LHFPL3: variants seen among roughly 807,000 people sequenced by gnomAD.
LHFPL3 encodes the protein LHFPL tetraspan subfamily member 3, also known as LHFPL tetraspan subfamily member 3 protein.
Under a neutral mutation model 19.3 loss-of-function variants are expected in LHFPL3, and 5 were observed. That is an observed-to-expected ratio of 0.26 (90% CI 0.14 to 0.54). LHFPL3 has a LOEUF of 0.54. Ranked by LOEUF, LHFPL3 falls within the 20% of genes least tolerant of loss-of-function variation. LHFPL3 has a pLI of 0.94. For missense variants in LHFPL3, 249 were observed against 307.4 expected (o/e 0.81, Z 1.42); for synonymous variants, 133 against 126.2 (o/e 1.05, Z -0.36).
rs192439147 is a variant in LHFPL3, at chr7:104,608,048, G to A, written c.446-128627G>A. On this transcript the variant is annotated intron_variant, in intron 1 of 2. Coordinates refer to ENST00000424859, the MANE Select transcript of LHFPL3 (RefSeq NM_199000.3). ...TAGGAACACTTTTACACTGTTGGTG[G>A]GACTGTAAACTAGTTCAACCATTGT... is the stretch of plus-strand genomic sequence containing the variant. Among the ~76,000 whole-genome samples, 15 of 152,262 alleles carry A rather than the reference G, an allele frequency of 9.9e-5. No homozygotes were observed. The South Asian group carries it at 2.1e-3, about 21-fold the overall frequency.
chr7:104,610,206 G>A (rs1791186261), intron 1 of LHFPL3, among the ~76,000 whole-genome samples: 1 of 152,062 alleles, frequency 6.6e-6, no homozygotes, highest in African/African-American at 2.4e-5. Flanking sequence ...TCTGTATACT[G>A]AATCTAAGAG....
chr7:104,653,118 G>A (rs1180410935), intron 1 of LHFPL3, among the ~76,000 whole-genome samples: 2 of 152,158 alleles, frequency 1.3e-5, no homozygotes, highest in African/African-American at 4.8e-5. Flanking sequence ...CAGGGACATG[G>A]CCTTGAGCTA....
In LHFPL3 at chr7:104,845,300, TGTCA is replaced by T; in HGVS notation, c.683-60884_683-60881del. 3 of 783,808 alleles carry T rather than the reference TGTCA, an allele frequency of 3.8e-6. No individual in the cohort carries two copies. In the East Asian group the frequency reaches 8.0e-5, roughly 21 times the overall value. The allele number at this position is 783,808 out of a possible 1,614,324, so 48.6% of individuals were successfully genotyped here. ...TCAATGGAATAGCCAGGAATGACGT[TGTCA>T]GTTTTAATCTTTAAAAAATGAAGTG... On this transcript the variant is annotated intron_variant, in intron 2 of 2. Coordinates refer to ENST00000424859, the MANE Select transcript of LHFPL3 (RefSeq NM_199000.3).
chr7:104,741,151 A>T (rs974572187), intron 2 of LHFPL3, among the ~76,000 whole-genome samples: 2 of 152,204 alleles, frequency 1.3e-5, no homozygotes, highest in African/African-American at 4.8e-5. Context: ...TTTTTCCTTG[A>T]CACACTTCAG....
chr7:104,792,498 T>G (rs1042204854), intron 2 of LHFPL3, among the ~76,000 whole-genome samples: 1 of 152,204 alleles, frequency 6.6e-6, no homozygotes, highest in Non-Finnish European at 1.5e-5. Flanking sequence ...GCTTTTTCAC[T>G]ATTGGCTCTT....
chr7:104,830,291 C>T lies in LHFPL3; in HGVS notation c.683-75896C>T, dbSNP rs889506469. Among the ~76,000 whole-genome samples the T allele has an allele frequency of 2.8e-4, 42 of 151,960 alleles. 2 individuals carry two copies. Among genetic ancestry groups the T allele is most frequent in the African/African-American group, 9.9e-4 (41 of 41,278 alleles). Reference sequence around the variant, plus strand: ...TCCCATTTTGTAGGTTGCCTATTCACTCTGATGGTAGTTTCTTTTGCTGTG... The same window carrying T: ...TCCCATTTTGTAGGTTGCCTATTCATTCTGATGGTAGTTTCTTTTGCTGTG... On this transcript the variant is annotated intron_variant, in intron 2 of 2. Coordinates refer to ENST00000424859, the MANE Select transcript of LHFPL3 (RefSeq NM_199000.3).
chr7:104,603,797 C>A (rs1326574190), intron 1 of LHFPL3, among the ~76,000 whole-genome samples: 1 of 152,236 alleles, frequency 6.6e-6, no homozygotes, highest in African/African-American at 2.4e-5. Flanking sequence ...TGAAGAACAA[C>A]ATTAAGTCTT....
chr7:104,833,002 A>ATGTATATATATTATATATAATAGATATAT (rs1790988211), intron 2 of LHFPL3, among the ~76,000 whole-genome samples: 5 of 44,138 alleles, frequency 1.1e-4, no homozygotes, highest in Non-Finnish European at 1.7e-4. Context: ...CATATATATT[A>ATGTATATATATTATATATAATAGATATAT]TATATATATA....
At chr7:104,657,928 C>A (rs1792148885) in intron 1 of LHFPL3, among the ~76,000 whole-genome samples, 2 of 152,310 alleles carry the variant, frequency 1.3e-5, no homozygotes, top group African/African-American at 4.8e-5. Flanking sequence ...CAGTAGAGAG[C>A]AATTACAGTG....
chr7:104,864,924 C>T lies in LHFPL3; in HGVS notation c.683-41263C>T, dbSNP rs191281120. On this transcript the variant is annotated intron_variant, in intron 2 of 2. Coordinates refer to ENST00000424859, the MANE Select transcript of LHFPL3 (RefSeq NM_199000.3). ...GCAACATTTGCTGTTCACCAATATCCGCTGTTCTGCAGCCTCCACTGCTGA... is the reference window on the plus strand; with the variant it reads ...GCAACATTTGCTGTTCACCAATATCTGCTGTTCTGCAGCCTCCACTGCTGA... 2.0e-3 allele frequency among the ~76,000 whole-genome samples: 310 copies of T among 152,266 alleles called. 1 individual carries two copies. The highest frequency in any genetic ancestry group is 2.2e-3 in the Admixed American group (33 of 15,296).
chr7:104,785,012 T>C (rs1789886116), intron 2 of LHFPL3, among the ~76,000 whole-genome samples: 1 of 152,234 alleles, frequency 6.6e-6, no homozygotes. Context: ...TGAATATAAT[T>C]AATGCTGTGG....
chr7:104,829,183 A>G (rs1315213874), intron 2 of LHFPL3, among the ~76,000 whole-genome samples: 1 of 151,816 alleles, frequency 6.6e-6, no homozygotes, highest in African/African-American at 2.4e-5. Flanking sequence ...TCCCATGAGG[A>G]GCCACTCTCC....
intron 1 of LHFPL3, among the ~76,000 whole-genome samples, chr7:104,701,090 C>T (rs191988028): frequency 1.8e-4 from 28 of 152,260 alleles, no homozygotes; most frequent in Non-Finnish European, 3.4e-4. Context: ...CTTTACTATG[C>T]CCTCTCGCTT....
chr7:104,683,987 T>C (rs1260070660), intron 1 of LHFPL3, among the ~76,000 whole-genome samples: 2 of 152,242 alleles, frequency 1.3e-5, no homozygotes, highest in African/African-American at 4.8e-5. Flanking sequence ...AAAATTGAAT[T>C]CTCCTTTCTT....
chr7:104,769,302 T>G (rs1794509623), intron 2 of LHFPL3, among the ~76,000 whole-genome samples: 1 of 152,196 alleles, frequency 6.6e-6, no homozygotes, highest in Non-Finnish European at 1.5e-5. Flanking sequence ...TAATGTCCAT[T>G]TCTTTTTTGC....
intron 1 of LHFPL3, among the ~76,000 whole-genome samples, chr7:104,385,399 T>A (rs1473764606): frequency 6.6e-6 from 1 of 152,124 alleles, no homozygotes; most frequent in Non-Finnish European, 1.5e-5. Flanking sequence ...CTGATTGATA[T>A]CTGAGCAGAG....
intron 2 of LHFPL3, among the ~76,000 whole-genome samples, chr7:104,851,871 G>T (rs760509473): frequency 5.9e-5 from 9 of 152,080 alleles, no homozygotes; most frequent in African/African-American, 1.2e-4. Flanking sequence ...TGCTTGGGCC[G>T]TAGCTTTCTC....
At chr7:104,412,779 T>A (rs1791556013) in intron 1 of LHFPL3, among the ~76,000 whole-genome samples, 2 of 152,210 alleles carry the variant, frequency 1.3e-5, no homozygotes, top group African/African-American at 4.8e-5. Context: ...TCTATTTTTT[T>A]ATCTCACAGA....
chr7:104,396,084 C>T (rs1488150168), intron 1 of LHFPL3, among the ~76,000 whole-genome samples: 1 of 152,152 alleles, frequency 6.6e-6, no homozygotes, highest in Non-Finnish European at 1.5e-5. Flanking sequence ...GAGCAGCTAT[C>T]CCTGGCCTTG....
Sources: gnomAD v4.1 joint callset for allele counts (sites outside exome capture counted in the v4.1 genomes callset) on GRCh38, gnomAD v4.1.1 for gene constraint, MANE v1.5 for transcripts, NCBI Gene and HGNC (gene_info 2026-07-23, HGNC 2026-07-21) for gene names.